PRSS23: variants seen among roughly 807,000 people sequenced by gnomAD.
PRSS23 encodes the protein serine protease 23, also known as protease, serine 23.
A neutral mutation model predicts 34.7 loss-of-function variants in PRSS23; 25 were observed. The ratio of observed to expected loss-of-function variants is 0.72; its 90% CI spans 0.53 to 1.01. The LOEUF is 1.01. Ranked by LOEUF, PRSS23 falls within the 50% of genes least tolerant of loss-of-function variation. The pLI is 0.00. For synonymous variants in PRSS23, 176 were observed against 186.6 expected, an observed-to-expected ratio of 0.94 and a Z score of 0.46; for missense variants, 445 against 475.6, an observed-to-expected ratio of 0.94 and a Z score of 0.60.
chr11:86,870,285 G>T (rs1035357916), intron 2 of PRSS23, among the ~76,000 whole-genome samples: 2 of 151,552 alleles, frequency 1.3e-5, no homozygotes, highest in African/African-American at 4.9e-5. Flanking sequence ...ACCTACCAGA[G>T]CTGAAAGTCT....
At chr11:86,846,886 T>C (rs1268728715) in intron 2 of PRSS23, among the ~76,000 whole-genome samples, 1 of 152,130 alleles carries the variant, frequency 6.6e-6, no homozygotes, top group Admixed American at 6.5e-5. Context: ...TCAGGATAAT[T>C]TAAAGATAGG....
At chr11:86,834,721 A>T (rs1590886108) in intron 2 of PRSS23, among the ~76,000 whole-genome samples, 1 of 152,214 alleles carries the variant, frequency 6.6e-6, no homozygotes, top group East Asian at 1.9e-4. Context: ...GGAAGTTAGG[A>T]ATTCCCTTTC....
At chr11:86,815,489 A>G (rs1198917540), downstream of PRSS23, among the ~76,000 whole-genome samples, 1 of 152,236 alleles carries the variant, frequency 6.6e-6, no homozygotes, top group Non-Finnish European at 1.5e-5. Context: ...AACCCAGAAC[A>G]TGATGACTTA....
chr11:86,889,823 C>G (rs578158517), intron 2 of PRSS23, among the ~76,000 whole-genome samples: 1 of 152,210 alleles, frequency 6.6e-6, no homozygotes, highest in Non-Finnish European at 1.5e-5. Context: ...TAACAGAAAT[C>G]TCCCTTCCCT....
chr11:86,807,256 A>T (rs1221526488), intron 1 of PRSS23, among the ~76,000 whole-genome samples: 1 of 152,080 alleles, frequency 6.6e-6, no homozygotes, highest in Non-Finnish European at 1.5e-5. Context: ...TGAAGGTAGA[A>T]GAGGAGGAGG....
At chr11:86,833,134 C>A in intron 2 of PRSS23, 1 of 711,808 alleles carries the variant, frequency 1.4e-6, no homozygotes, top group Admixed American at 1.9e-5. Flanking sequence ...TTCTTCCATG[C>A]CTCCAAAAAC....
At chr11:86,866,678 G>A (rs971913669) in intron 2 of PRSS23, among the ~76,000 whole-genome samples, 4 of 152,206 alleles carry the variant, frequency 2.6e-5, no homozygotes, top group Non-Finnish European at 5.9e-5. Context: ...TGATCCCAGT[G>A]TTGGAAATGG....
intron 2 of PRSS23, among the ~76,000 whole-genome samples, chr11:86,913,425 T>C (rs1948991407): frequency 6.6e-6 from 1 of 150,530 alleles, no homozygotes; most frequent in African/African-American, 2.5e-5. Flanking sequence ...AATAGTCTAC[T>C]GTTTTTATTT....
At chr11:86,876,235 A>G (rs1948723405) in intron 2 of PRSS23, among the ~76,000 whole-genome samples, 1 of 152,202 alleles carries the variant, frequency 6.6e-6, no homozygotes, top group South Asian at 2.1e-4. Context: ...GCCATGTACC[A>G]AACACCATAC....
chr11:86,805,446 G>T (rs1948089505), intron 1 of PRSS23, among the ~76,000 whole-genome samples: 1 of 152,106 alleles, frequency 6.6e-6, no homozygotes, highest in Non-Finnish European at 1.5e-5. Context: ...ATACAAACAC[G>T]TGTGTGCACA....
downstream of PRSS23, among the ~76,000 whole-genome samples, chr11:86,813,317 T>C (rs1001726449): frequency 6.6e-6 from 1 of 152,180 alleles, no homozygotes; most frequent in African/African-American, 2.4e-5. Context: ...ATTGAGAATT[T>C]GGGAGGGAAT....
At chr11:86,857,167 G>GTA in intron 2 of PRSS23, 1 of 350,698 alleles carries the variant, frequency 2.9e-6, no homozygotes, top group Non-Finnish European at 5.4e-6. Flanking sequence ...GATGACCACA[G>GTA]CGTACATCAC....
chr11:86,810,738 TC>T lies in PRSS23; in HGVS notation c.*1944del, dbSNP rs1948169319. The stretch of plus-strand genomic sequence containing the variant: ...ACAATGGCACAAAGTCAAAATGAAA[TC>T]AATGTTTAGTTCACAAGTAGATGTA... On this transcript the variant is annotated 3_prime_UTR_variant, in exon 2 of 2. Coordinates refer to ENST00000280258, the MANE Select transcript of PRSS23 (RefSeq NM_007173.6). 6.0e-6 allele frequency: 1 copy of T among 167,028 alleles called. No individual in the cohort carries two copies. Among genetic ancestry groups the T allele is most frequent in the African/African-American group, 2.4e-5 (1 of 41,446 alleles). 10.3% of individuals were successfully genotyped at this position (167,028 alleles called of 1,614,324 possible). A position where few individuals can be genotyped will look rare whatever the true frequency, so the allele number is the denominator to read the frequency against.
At chr11:86,886,386 C>A (rs1365392207) in intron 2 of PRSS23, among the ~76,000 whole-genome samples, 3 of 152,192 alleles carry the variant, frequency 2.0e-5, no homozygotes, top group Non-Finnish European at 2.9e-5. Context: ...TCCCTCCCTG[C>A]ACTGCAACAC....
At position 86,855,917 on chromosome 11, in the gene PRSS23, G is replaced by A. The variant is rs534427404; in HGVS notation, c.206+32324G>A. Among the ~76,000 whole-genome samples the A allele has an allele frequency of 1.3e-4, 20 of 152,268 alleles. No homozygotes were observed. In the East Asian group the frequency reaches 3.9e-3, roughly 29 times the overall value. On this transcript the variant is annotated intron_variant, in intron 2 of 2. Coordinates refer to the PRSS23 transcript ENST00000533902. ...AATCTCACCCATTTCTGCTGCAGTG[G>A]AGAGGATTTTATTCATTTTTAGGCT...
intron 2 of PRSS23, among the ~76,000 whole-genome samples, chr11:86,914,387 G>A (rs1948999293): frequency 6.6e-6 from 1 of 152,162 alleles, no homozygotes; most frequent in South Asian, 2.1e-4. Context: ...AATTTCAGAT[G>A]GTGGAAAAGG....
intron 2 of PRSS23, among the ~76,000 whole-genome samples, chr11:86,824,361 A>AAAATAAAAT (rs1948281218): frequency 3.3e-5 from 5 of 149,356 alleles, no homozygotes; most frequent in African/African-American, 9.8e-5. Context: ...AAAATAAAAT[A>AAAATAAAAT]AAATAAAATA....
At chr11:86,944,300 C>G (rs975043721) in intron 2 of PRSS23, among the ~76,000 whole-genome samples, 3 of 151,726 alleles carry the variant, frequency 2.0e-5, no homozygotes, top group Non-Finnish European at 4.4e-5. Flanking sequence ...AGAACCCACC[C>G]TAATCTAGTA....
intron 2 of PRSS23, chr11:86,951,177 C>T: frequency 1.2e-6 from 2 of 1,614,068 alleles, no homozygotes; most frequent in Non-Finnish European, 1.7e-6. Flanking sequence ...CCAGGCTTCA[C>T]CCAACCATTT....
Sources: gnomAD v4.1 joint callset for allele counts (sites outside exome capture counted in the v4.1 genomes callset) on GRCh38, gnomAD v4.1.1 for gene constraint, MANE v1.5 for transcripts, NCBI Gene and HGNC (gene_info 2026-07-23, HGNC 2026-07-21) for gene names.